MECOM: variants seen among roughly 807,000 people sequenced by gnomAD.
MECOM encodes histone-lysine N-methyltransferase MECOM.
A neutral mutation model predicts 116.3 loss-of-function variants in MECOM; 13 were observed. That is an observed-to-expected ratio of 0.11 (90% CI 0.07 to 0.18). MECOM has a LOEUF of 0.18. Ranked by LOEUF, MECOM falls within the 10% of genes least tolerant of loss-of-function variation. MECOM has a pLI of 1.00. For synonymous variants in MECOM, 528 were observed against 535.2 expected, an observed-to-expected ratio of 0.99 and a Z score of 0.19; for missense variants, 1,299 against 1,509.0, an observed-to-expected ratio of 0.86 and a Z score of 2.31.
chr3:169,487,791 C>T (rs941459821), intron 1 of MECOM, among the ~76,000 whole-genome samples: 2 of 8,986 alleles, frequency 2.2e-4, no homozygotes, highest in Non-Finnish European at 5.0e-4. Context: ...AGGGAGGGGG[C>T]GGGAGGGTCG....
At chr3:169,638,929 G>T (rs776545328) in intron 1 of MECOM, among the ~76,000 whole-genome samples, 7 of 152,134 alleles carry the variant, frequency 4.6e-5, no homozygotes, top group Non-Finnish European at 7.4e-5. Context: ...AATTTGAGGG[G>T]ATGTGATGTG....
chr3:169,631,052 G>C (rs1049541396), intron 1 of MECOM, among the ~76,000 whole-genome samples: 4 of 152,248 alleles, frequency 2.6e-5, no homozygotes, highest in African/African-American at 9.6e-5. Context: ...TCCAGATCAG[G>C]CTGCAGGCAG....
chr3:169,517,838 A>G (rs986018875), intron 1 of MECOM, among the ~76,000 whole-genome samples: 1 of 152,232 alleles, frequency 6.6e-6, no homozygotes, highest in Non-Finnish European at 1.5e-5. Flanking sequence ...TTTGAGTTCA[A>G]AAAAAGAGAG....
chr3:169,635,820 T>C (rs1772677393), intron 1 of MECOM, among the ~76,000 whole-genome samples: 1 of 152,242 alleles, frequency 6.6e-6, no homozygotes, highest in South Asian at 2.1e-4. Flanking sequence ...ATTGCACTAA[T>C]ATAATGCCAG....
intron 2 of MECOM, among the ~76,000 whole-genome samples, chr3:169,164,705 G>C (rs55917938): frequency 0.07 from 10,720 of 152,168 alleles, 485 homozygotes; most frequent in South Asian, 0.19. Context: ...TAAAATGTAT[G>C]CTAATAAAAA....
At chr3:169,379,355 G>C (rs1297208116) in intron 2 of MECOM, among the ~76,000 whole-genome samples, 1 of 151,998 alleles carries the variant, frequency 6.6e-6, no homozygotes, top group Non-Finnish European at 1.5e-5. Context: ...CTGAATTCTT[G>C]AAGGAGAAAG....
At chr3:169,314,955 A>G (rs932622253) in intron 2 of MECOM, among the ~76,000 whole-genome samples, 8 of 152,186 alleles carry the variant, frequency 5.3e-5, no homozygotes, top group African/African-American at 9.7e-5. Flanking sequence ...AGTAACTACT[A>G]TGTGGAAAAC....
intron 1 of MECOM, among the ~76,000 whole-genome samples, chr3:169,399,177 C>T (rs79679381): frequency 6.6e-6 from 1 of 152,166 alleles, no homozygotes; most frequent in Non-Finnish European, 1.5e-5. Context: ...TATCTTCCCT[C>T]AGTGGCTGTA....
At chr3:169,431,202 C>A (rs1001575973) in intron 1 of MECOM, among the ~76,000 whole-genome samples, 19 of 152,140 alleles carry the variant, frequency 1.2e-4, no homozygotes, top group African/African-American at 4.3e-4. Flanking sequence ...CAGAGTTAGA[C>A]AAACCCAAAG....
chr3:169,322,226 T>C (rs1020465355), intron 2 of MECOM, among the ~76,000 whole-genome samples: 1 of 152,230 alleles, frequency 6.6e-6, no homozygotes, highest in Non-Finnish European at 1.5e-5. Context: ...CCCACGATGT[T>C]ATCTAGACCC....
intron 1 of MECOM, among the ~76,000 whole-genome samples, chr3:169,404,097 T>C (rs987481676): frequency 1.3e-5 from 2 of 152,216 alleles, no homozygotes; most frequent in Non-Finnish European, 2.9e-5. Flanking sequence ...AGTCTGGCTC[T>C]GAGATCATAT....
chr3:169,261,614 T>A (rs1480862950), intron 2 of MECOM, among the ~76,000 whole-genome samples: 1 of 151,942 alleles, frequency 6.6e-6, no homozygotes, highest in Non-Finnish European at 1.5e-5. Context: ...AGAAGGAGAA[T>A]CACTTGAACC....
At chr3:169,642,415 C>A (rs1226881431) in intron 1 of MECOM, among the ~76,000 whole-genome samples, 3 of 150,464 alleles carry the variant, frequency 2.0e-5, no homozygotes, top group Non-Finnish European at 3.0e-5. Flanking sequence ...CCACTGCCCT[C>A]CAGCCCGGGC....
intron 1 of MECOM, among the ~76,000 whole-genome samples, chr3:169,396,368 T>C (rs1387654358): frequency 6.6e-6 from 1 of 152,194 alleles, no homozygotes; most frequent in Non-Finnish European, 1.5e-5. Flanking sequence ...CATATGACAA[T>C]AGAGCACATG....
intron 1 of MECOM, among the ~76,000 whole-genome samples, chr3:169,573,858 G>A (rs954050032): frequency 6.6e-6 from 1 of 152,040 alleles, no homozygotes; most frequent in Non-Finnish European, 1.5e-5. Context: ...TAAAGACCAC[G>A]TTGAGTTGGA....
intron 1 of MECOM, among the ~76,000 whole-genome samples, chr3:169,533,320 C>T (rs80267069): frequency 0.021 from 3,164 of 152,200 alleles, 108 homozygotes; most frequent in African/African-American, 0.073. Context: ...CAGTCTCTTC[C>T]CTGCGGGCTC....
chr3:169,180,602 G>C (rs1745816109), intron 2 of MECOM, among the ~76,000 whole-genome samples: 1 of 151,674 alleles, frequency 6.6e-6, no homozygotes, highest in Non-Finnish European at 1.5e-5. Flanking sequence ...CTGAGTATTT[G>C]AGTTGCATGA....
intron 1 of MECOM, among the ~76,000 whole-genome samples, chr3:169,550,145 A>C (rs1440890261): frequency 2.0e-5 from 3 of 152,230 alleles, no homozygotes; most frequent in African/African-American, 7.2e-5. Context: ...AGAGAAAGTC[A>C]TAAAAATTAT....
chr3:169,488,233 A>G (rs529620827), intron 1 of MECOM, among the ~76,000 whole-genome samples: 12 of 152,126 alleles, frequency 7.9e-5, no homozygotes, highest in African/African-American at 2.2e-4. Context: ...GTATACAAAA[A>G]CTATTTTTCC....
Sources: allele counts gnomAD v4.1 joint callset (sites outside exome capture counted in the v4.1 genomes callset), GRCh38; gene constraint gnomAD v4.1.1; transcripts MANE v1.5; gene names NCBI Gene and HGNC (gene_info 2026-07-23, HGNC 2026-07-21).